Variants in SYNGR1 observed in about 807,000 individuals in gnomAD.
SYNGR1 encodes synaptogyrin 1.
In SYNGR1, 14 loss-of-function variants were observed where a neutral mutation model predicts 26.1. The ratio of observed to expected loss-of-function variants is 0.54; its 90% CI spans 0.35 to 0.84. SYNGR1 has a LOEUF of 0.84. SYNGR1 is among the 40% of genes least tolerant of loss of function. SYNGR1 has a pLI of 0.01. For missense variants in SYNGR1, 319 were observed against 332.9 expected (o/e 0.96, Z 0.33); for synonymous variants, 141 against 150.1 (o/e 0.94, Z 0.44).
intron 1 of SYNGR1, among the ~76,000 whole-genome samples, chr22:39,372,123 CTTTTTTTT>C (rs71197177): frequency 0.034 from 2,361 of 70,412 alleles, 49 homozygotes; most frequent in South Asian, 0.086. Context: ...TAGATCCATT[CTTTTTTTT>C]TTTTTTTTTT....
chr22:39,364,999 C>CT (rs1924667652), intron 1 of SYNGR1, among the ~76,000 whole-genome samples: 1 of 152,156 alleles, frequency 6.6e-6, no homozygotes, highest in Admixed American at 6.6e-5. Flanking sequence ...ACCTTGATGC[C>CT]TTTTTTTAGC....
intron 1 of SYNGR1, among the ~76,000 whole-genome samples, chr22:39,367,149 C>A (rs1302417617): frequency 6.6e-6 from 1 of 152,248 alleles, no homozygotes; most frequent in Non-Finnish European, 1.5e-5. Context: ...ACACTTGTCT[C>A]CCTCGGTAAG....
At chr22:39,366,318 G>T (rs865992468) in intron 1 of SYNGR1, among the ~76,000 whole-genome samples, 1 of 151,562 alleles carries the variant, frequency 6.6e-6, no homozygotes, top group Admixed American at 6.6e-5. Flanking sequence ...TCCCTACGTC[G>T]GCTGTGTCTG....
chr22:39,354,754 G>C (rs531443992), intron 1 of SYNGR1, among the ~76,000 whole-genome samples: 1 of 151,678 alleles, frequency 6.6e-6, no homozygotes, highest in Non-Finnish European at 1.5e-5. Context: ...CAGGAGAATC[G>C]CTTGAACCCG....
intron 1 of SYNGR1, among the ~76,000 whole-genome samples, chr22:39,360,625 T>G (rs547154640): frequency 6.6e-6 from 1 of 152,294 alleles, no homozygotes; most frequent in East Asian, 1.9e-4. Flanking sequence ...CGTCCTCTCT[T>G]TAATATACAT....
chr22:39,372,438 C>CTTTTTT lies in SYNGR1; in HGVS notation c.100-1853_100-1848dup, dbSNP rs767314185. Among the ~76,000 whole-genome samples, 13 of 54,652 alleles carry CTTTTTT rather than the reference C, an allele frequency of 2.4e-4. 2 individuals are homozygous for CTTTTTT. The highest frequency in any genetic ancestry group is 1.5e-3 in the East Asian group (3 of 2,004). The allele number at this position is 54,652 out of a possible 152,430, so 35.9% of individuals were successfully genotyped here. On this transcript the variant is annotated intron_variant, in intron 1 of 3. Transcript: ENST00000328933. ...GAGCCACCATGCACCACGCCCAGCT[C>CTTTTTT]TTTTTTTTTTTTTTTTTTTTTTTTT...
chr22:39,381,863 G>C lies in SYNGR1; in HGVS notation c.651G>C (p.Pro217=), dbSNP rs759591034. ...PAGMGGTYQQ[P]ANTFDTEPQG... ...GTATGGGCGGCACCTACCAGCAGCC[G>C]GCCAACACCTTCGACACCGAGCCCC... Residue 217 remains proline, a synonymous_variant, in exon 4 of 4, where the codon CCG becomes CCC. Transcript: ENST00000328933. 2.0e-5 allele frequency: 33 copies of C among 1,612,860 alleles called. No individual in the cohort carries two copies. Among genetic ancestry groups the C allele is most frequent in the African/African-American group, 4.0e-5 (3 of 75,034 alleles).
intron 3 of SYNGR1, chr22:39,378,176 A>T: frequency 9.0e-7 from 1 of 1,107,000 alleles, no homozygotes; most frequent in Non-Finnish European, 1.1e-6. Flanking sequence ...CTGGCCGAGG[A>T]TGTCACAGGG....
intron 1 of SYNGR1, among the ~76,000 whole-genome samples, chr22:39,355,482 G>A (rs1367716229): frequency 6.6e-6 from 1 of 152,236 alleles, no homozygotes; most frequent in Non-Finnish European, 1.5e-5. Context: ...CTCAGGTCTA[G>A]GACAGGGTCA....
At chr22:39,360,386 G>A (rs1164307398) in intron 1 of SYNGR1, among the ~76,000 whole-genome samples, 1 of 152,038 alleles carries the variant, frequency 6.6e-6, no homozygotes, top group Non-Finnish European at 1.5e-5. Context: ...TTTCTTCTGC[G>A]GTCTCCCACA....
At chr22:39,360,021 C>T (rs1307516326) in intron 1 of SYNGR1, among the ~76,000 whole-genome samples, 1 of 152,216 alleles carries the variant, frequency 6.6e-6, no homozygotes, top group Non-Finnish European at 1.5e-5. Context: ...TCCGCACCTC[C>T]CAGTGGCCAC....
At chr22:39,379,644 A>C (rs202153096) in intron 3 of SYNGR1, 1 of 15,790 alleles carries the variant, frequency 6.3e-5, no homozygotes, top group Non-Finnish European at 1.3e-4. Flanking sequence ...AAAAAAAAAA[A>C]GAAAAAAAAA....
chr22:39,365,245 T>C (rs943817887), intron 1 of SYNGR1, among the ~76,000 whole-genome samples: 2 of 152,148 alleles, frequency 1.3e-5, no homozygotes, highest in African/African-American at 4.8e-5. Flanking sequence ...CAGTGTCTCC[T>C]TGTGGCTGCT....
intron 1 of SYNGR1, among the ~76,000 whole-genome samples, chr22:39,366,155 G>C (rs943075089): frequency 4.6e-5 from 7 of 150,780 alleles, no homozygotes; most frequent in Non-Finnish European, 8.9e-5. Context: ...AGTAGAGATG[G>C]GGTTTCACCA....
At chr22:39,375,838 C>T in intron 2 of SYNGR1, 1 of 674,878 alleles carries the variant, frequency 1.5e-6, no homozygotes, top group South Asian at 1.7e-5. Flanking sequence ...CTCCTCCCCC[C>T]TGCATCTGGC....
In SYNGR1 at chr22:39,382,004, G is replaced by T; in HGVS notation, c.*90G>T. 1 of 1,384,188 alleles carries T rather than the reference G, an allele frequency of 7.2e-7. No individual in the cohort carries two copies. Among genetic ancestry groups the T allele is most frequent in the Non-Finnish European group, 9.9e-7 (1 of 1,009,100 alleles). 85.7% of individuals were successfully genotyped at this position (1,384,188 alleles called of 1,614,324 possible). A position where few individuals can be genotyped will look rare whatever the true frequency, so the allele number is the denominator to read the frequency against. Reference sequence around the variant, plus strand: ...TCCTGCCCAGGCTGCCCTGCCCAGCGCCTCATCAGCCTCTGCCTTGTCCCA... The same window carrying T: ...TCCTGCCCAGGCTGCCCTGCCCAGCTCCTCATCAGCCTCTGCCTTGTCCCA... On this transcript the variant is annotated 3_prime_UTR_variant, in exon 4 of 4. Transcript: ENST00000328933.
intron 3 of SYNGR1, among the ~76,000 whole-genome samples, chr22:39,376,767 C>T (rs1925304276): frequency 6.6e-6 from 1 of 150,628 alleles, no homozygotes. Flanking sequence ...TATCCTAAGT[C>T]CTAAGAGGGT....
intron 1 of SYNGR1, among the ~76,000 whole-genome samples, chr22:39,351,927 A>G (rs1476562244): frequency 2.0e-5 from 3 of 152,192 alleles, no homozygotes; most frequent in African/African-American, 7.2e-5. Flanking sequence ...ACATATGCAC[A>G]TCCAGGGGAG....
At chr22:39,353,772 C>T (rs1016851003) in intron 1 of SYNGR1, among the ~76,000 whole-genome samples, 7 of 152,214 alleles carry the variant, frequency 4.6e-5, no homozygotes, top group South Asian at 2.1e-4. Flanking sequence ...ATAGAAAGGA[C>T]CACCTTTTAT....
Sources: gnomAD v4.1 joint callset for allele counts (sites outside exome capture counted in the v4.1 genomes callset) on GRCh38, gnomAD v4.1.1 for gene constraint, MANE v1.5 for transcripts, NCBI Gene and HGNC (gene_info 2026-07-23, HGNC 2026-07-21) for gene names.